Variants in INO80 observed in about 807,000 individuals in gnomAD.
INO80 encodes INO80 complex ATPase subunit, also known as chromatin-remodeling ATPase INO80.
A neutral mutation model predicts 203.4 loss-of-function variants in INO80; 20 were observed. That is an observed-to-expected ratio of 0.10 (90% CI 0.07 to 0.14). The LOEUF is 0.14. INO80 is among the 10% of genes least tolerant of loss of function. The pLI is 1.00. For missense variants in INO80, 1,419 were observed against 1,914.4 expected (o/e 0.74, Z 4.83); for synonymous variants, 726 against 685.2 (o/e 1.06, Z -0.93).
intron 16 of INO80, 48 bp from the exon 17 acceptor site, chr15:41,056,754 TTTAA>T: frequency 6.5e-7 from 1 of 1,528,178 alleles, no homozygotes; most frequent in African/African-American, 1.4e-5. Context: ...TAAATTGTTC[TTTAA>T]TTATCCTACT....
rs1289962495 is a variant in INO80 at position 41,079,386 on chromosome 15, G to C, written c.1131+315C>G. On this transcript the variant is annotated intron_variant, in intron 9 of 35. Coordinates refer to ENST00000648947, the MANE Select transcript of INO80 (RefSeq NM_017553.3). Reference sequence around the variant, plus strand: ...TAGAGGAAGACAGCTTAGAAGAAAAGAGAAAAAGGCCTGAGGAGGGCCTTA... The same window carrying C: ...TAGAGGAAGACAGCTTAGAAGAAAACAGAAAAAGGCCTGAGGAGGGCCTTA... Among the ~76,000 whole-genome samples, 8 of 152,000 alleles carry C rather than the reference G, an allele frequency of 5.3e-5. No homozygotes were observed. The East Asian group carries it at 1.5e-3, about 29-fold the overall frequency.
chr15:41,068,318 G>A (rs749821579), intron 14 of INO80, among the ~76,000 whole-genome samples: 1 of 152,154 alleles, frequency 6.6e-6, no homozygotes, highest in Non-Finnish European at 1.5e-5. Flanking sequence ...ACTTCAGGAG[G>A]CTGACATGGG....
At chr15:41,029,303 T>A (rs985470734) in intron 24 of INO80, among the ~76,000 whole-genome samples, 3 of 150,660 alleles carry the variant, frequency 2.0e-5, no homozygotes, top group Non-Finnish European at 4.4e-5. Context: ...AGGGCTTACA[T>A]CTCTGTAAGG....
chr15:41,007,437 C>A (rs1268752658), intron 27 of INO80, among the ~76,000 whole-genome samples: 1 of 152,024 alleles, frequency 6.6e-6, no homozygotes, highest in Non-Finnish European at 1.5e-5. Flanking sequence ...CCCACCTCAG[C>A]CTCCCAAAGT....
chr15:40,982,738 C>T, intron 35 of INO80, 124 bp downstream of exon 35: 1 of 745,270 alleles, frequency 1.3e-6, no homozygotes, highest in Non-Finnish European at 2.2e-6. Context: ...AAGAAGAACC[C>T]CAATTGGGGC....
chr15:41,085,252 A>T, intron 7 of INO80, 117 bp downstream of exon 7: 1 of 862,904 alleles, frequency 1.2e-6, no homozygotes, highest in Non-Finnish European at 1.9e-6. Context: ...ATTCCAACAG[A>T]TTAGTTTCTT....
intron 14 of INO80, among the ~76,000 whole-genome samples, chr15:41,067,319 C>T (rs933133126): frequency 8.5e-5 from 13 of 152,052 alleles, no homozygotes; most frequent in Non-Finnish European, 1.5e-4. Flanking sequence ...TTGTGATCCA[C>T]CCGCCTCACC....
chr15:40,998,014 CTCT>C (rs1288710733), intron 28 of INO80, among the ~76,000 whole-genome samples: 3 of 123,332 alleles, frequency 2.4e-5, no homozygotes, highest in Non-Finnish European at 4.8e-5. Context: ...TTCCAAAACA[CTCT>C]TTTTTTTTTT....
intron 28 of INO80, among the ~76,000 whole-genome samples, chr15:41,003,549 C>T (rs1228023614): frequency 2.0e-5 from 3 of 151,850 alleles, no homozygotes; most frequent in Non-Finnish European, 2.9e-5. Flanking sequence ...GGGCTGGTCT[C>T]GAACTCCTGA....
rs2044840162 is a variant in INO80, at chr15:41,049,973, T to C, written c.2404A>G (p.Thr802Ala). The change falls in exon 20 of 36, where the codon ACC (threonine) becomes GCC (alanine). Residue 802 changes from threonine (T) to alanine (A), a missense_variant. By Grantham distance (58) the Thr-to-Ala change is moderately conservative (BLOSUM62 0). Transcript: ENST00000648947. Reference sequence around the variant, plus strand: ...ATGACCAGATTCATGAGGCTGCTGGTGGTGTTCTGTGCTTGTTGGGTAGAG... The same window carrying C: ...ATGACCAGATTCATGAGGCTGCTGGCGGTGTTCTGTGCTTGTTGGGTAGAG... ...MGSTQQAQNT[T>A]SSLMNLVMQF... is the part of the protein sequence containing the mutation. 6.2e-7 allele frequency: 1 copy of C among 1,613,846 alleles called. No homozygotes were observed. The highest frequency in any genetic ancestry group is 8.5e-7 in the Non-Finnish European group (1 of 1,179,886).
At chr15:41,060,587 T>C (rs758520025) in intron 14 of INO80, among the ~76,000 whole-genome samples, 4 of 149,396 alleles carry the variant, frequency 2.7e-5, no homozygotes, top group Non-Finnish European at 4.5e-5. Context: ...ATGTAAGACA[T>C]AGAGAACAAA....
intron 4 of INO80, among the ~76,000 whole-genome samples, chr15:41,094,273 A>G (rs1020173561): frequency 6.6e-6 from 1 of 152,178 alleles, no homozygotes; most frequent in Non-Finnish European, 1.5e-5. Context: ...TTGTAACTTC[A>G]TCTTCCACCA....
intron 11 of INO80, among the ~76,000 whole-genome samples, chr15:41,072,941 C>T (rs1021517757): frequency 1.6e-4 from 25 of 151,954 alleles, no homozygotes; most frequent in African/African-American, 5.3e-4. Flanking sequence ...CCGCCACCCC[C>T]GGCTAATTTT....
Position 40,988,049 on chromosome 15 carries a change from T to A in INO80, c.3571-75A>T, listed in dbSNP as rs2043763362. ...ATTCTGAGAGCAACCCAGCCAATTG[T>A]CTGTTTGCGAGTTTGGCGTCAGTAG... On this transcript the variant is annotated intron_variant, in intron 29 of 35. Transcript: ENST00000648947. The A allele has an allele frequency of 1.5e-6, 2 of 1,340,808 alleles. 1 individual carries two copies. The highest frequency in any genetic ancestry group is 2.9e-5 in the African/African-American group (2 of 68,872). The allele number at this position is 1,340,808 out of a possible 1,614,324, so 83.1% of individuals were successfully genotyped here.
intron 24 of INO80, among the ~76,000 whole-genome samples, chr15:41,032,531 G>A (rs1485706432): frequency 6.6e-6 from 1 of 152,156 alleles, no homozygotes; most frequent in East Asian, 1.9e-4. Context: ...TAGTGGAAGA[G>A]TTTTTGAAAA....
At position 41,046,206 on chromosome 15, in the gene INO80, CATATATATATATATATATAT is replaced by C. The variant is rs1160486459; in HGVS notation, c.2736-1151_2736-1132del. 1.9e-3 allele frequency among the ~76,000 whole-genome samples: 27 copies of C among 14,424 alleles called. 1 individual carries two copies. Among genetic ancestry groups the C allele is most frequent in the African/African-American group, 5.7e-3 (25 of 4,408 alleles). The allele number at this position is 14,424 out of a possible 152,430, so 9.5% of individuals were successfully genotyped here. A position where few individuals can be genotyped will look rare whatever the true frequency, so the allele number is the denominator to read the frequency against. On this transcript the variant is annotated intron_variant, in intron 23 of 35. Coordinates refer to ENST00000648947, the MANE Select transcript of INO80 (RefSeq NM_017553.3). ...GTGTGTCTCTGTGTGCGTATACATA[CATATATATATATATATATAT>C]ATATATATATATATATATATATATA...
intron 24 of INO80, among the ~76,000 whole-genome samples, chr15:41,032,325 C>T (rs888324621): frequency 3.9e-5 from 6 of 152,144 alleles, no homozygotes; most frequent in African/African-American, 1.4e-4. Flanking sequence ...TGAAACAGCA[C>T]AGTGTTGATA....
At chr15:41,047,527 C>T in intron 22 of INO80, 26 bp from the exon 23 acceptor site, 1 of 1,499,188 alleles carries the variant, frequency 6.7e-7, no homozygotes, top group South Asian at 1.1e-5. Context: ...CAATTTGAAA[C>T]CCAACAGCAA....
chr15:41,067,442 A>G (rs1412063439), intron 14 of INO80, among the ~76,000 whole-genome samples: 1 of 152,212 alleles, frequency 6.6e-6, no homozygotes, highest in Non-Finnish European at 1.5e-5. Flanking sequence ...AAAAAAGCAG[A>G]AAAAGATGGT....
Sources: allele counts gnomAD v4.1 joint callset (sites outside exome capture counted in the v4.1 genomes callset), GRCh38; gene constraint gnomAD v4.1.1; transcripts MANE v1.5; gene names NCBI Gene and HGNC (gene_info 2026-07-23, HGNC 2026-07-21).